Variants in ABCA12 observed in about 807,000 individuals in gnomAD.
ABCA12 encodes ATP binding cassette subfamily A member 12, also known as glucosylceramide transporter ABCA12.
ABCA12 carries 156 observed loss-of-function variants against 293.5 expected under a neutral mutation model. That is an observed-to-expected ratio of 0.53 (90% CI 0.47 to 0.61). The LOEUF (loss-of-function observed/expected upper bound fraction) is 0.61. ABCA12 is among the 20% of genes least tolerant of loss of function. The pLI is 0.00. For missense variants in ABCA12, 2,797 were observed against 3,090.2 expected, an observed-to-expected ratio of 0.91 and a Z score of 2.25; for synonymous variants, 1,063 against 1,108.0, an observed-to-expected ratio of 0.96 and a Z score of 0.81.
chr2:215,047,262 T>C (rs535594290), intron 6 of ABCA12, among the ~76,000 whole-genome samples: 9 of 152,234 alleles, frequency 5.9e-5, no homozygotes, highest in African/African-American at 1.9e-4. Context: ...GACTAATGTA[T>C]GCAAACACTC....
At chr2:215,052,924 G>A (rs1033812932) in intron 4 of ABCA12, among the ~76,000 whole-genome samples, 2 of 152,040 alleles carry the variant, frequency 1.3e-5, no homozygotes, top group African/African-American at 4.8e-5. Flanking sequence ...GATTTGAGGT[G>A]CCTACACTAG....
intron 7 of ABCA12, chr2:215,038,973 T>C (rs1234315305): frequency 1.3e-5 from 2 of 152,184 alleles, no homozygotes; most frequent in Admixed American, 6.5e-5. Flanking sequence ...CATATAAAAA[T>C]GGAAATTATC....
At chr2:215,041,551 CA>C (rs74770979) in intron 7 of ABCA12, among the ~76,000 whole-genome samples, 2,972 of 86,432 alleles carry the variant, frequency 0.034, 70 homozygotes, top group African/African-American at 0.089. Context: ...GACTCCATCT[CA>C]AAAAAAAAAA....
At chr2:214,961,953 C>T (rs1470410412) in intron 39 of ABCA12, 1 of 152,152 alleles carries the variant, frequency 6.6e-6, no homozygotes, top group Non-Finnish European at 1.5e-5. Flanking sequence ...TGATGCCCAA[C>T]AGTAGGAAGA....
chr2:214,962,428 T>C, intron 39 of ABCA12: 1 of 152,148 alleles, frequency 6.6e-6, no homozygotes, highest in East Asian at 1.9e-4. Flanking sequence ...CAATATTTCA[T>C]ATAAAGCATG....
chr2:215,090,776 T>C (rs1702126271), intron 2 of ABCA12, among the ~76,000 whole-genome samples: 1 of 152,126 alleles, frequency 6.6e-6, no homozygotes, highest in Admixed American at 6.5e-5. Context: ...TCTCCATGTC[T>C]CTACCCTCTT....
Position 214,968,691 on chromosome 2 carries a change from A to G in ABCA12, c.5778+29T>C, listed in dbSNP as rs4673925. The G allele has an allele frequency of 0.5, 799,293 of 1,590,192 alleles. 203,225 individuals are homozygous for G. Among genetic ancestry groups the G allele is most frequent in the Admixed American group, 0.55 (32,669 of 59,880 alleles). ...ATCAATTTCACCTTCTCATTTGTAT[A>G]ACATTCCAGAAAAAAGATCAAAATT... On this transcript the variant is annotated intron_variant, in intron 38 of 52. Coordinates refer to ENST00000272895, the MANE Select transcript of ABCA12 (RefSeq NM_173076.3).
intron 9 of ABCA12, among the ~76,000 whole-genome samples, chr2:215,030,827 C>T (rs922161337): frequency 2.0e-5 from 3 of 152,096 alleles, no homozygotes; most frequent in African/African-American, 7.2e-5. Context: ...TTGTAAACAA[C>T]TATGTACGTT....
At chr2:215,052,456 C>A (rs1701337643) in intron 5 of ABCA12, 31 bp downstream of exon 5, 1 of 1,565,852 alleles carries the variant, frequency 6.4e-7, no homozygotes, top group African/African-American at 1.4e-5. Flanking sequence ...TGTTGAATCA[C>A]TCTACCCATT....
intron 1 of ABCA12, among the ~76,000 whole-genome samples, chr2:215,120,010 A>T (rs530433722): frequency 1.5e-4 from 23 of 152,318 alleles, no homozygotes; most frequent in African/African-American, 5.5e-4. Flanking sequence ...CAGGAAATCA[A>T]CCTATGTGTC....
At chr2:215,102,064 TGTGA>T (rs754667874) in intron 2 of ABCA12, among the ~76,000 whole-genome samples, 8 of 152,134 alleles carry the variant, frequency 5.3e-5, no homozygotes, top group Non-Finnish European at 1.0e-4. Context: ...TATGTGTGTT[TGTGA>T]GTATTTGGTA....
At chr2:214,980,671 G>T in intron 30 of ABCA12, 28 bp from the exon 31 acceptor site, 1 of 1,613,788 alleles carries the variant, frequency 6.2e-7, no homozygotes, top group South Asian at 1.1e-5. Context: ...GAACAACAGG[G>T]AATGAAACGT....
intron 1 of ABCA12, among the ~76,000 whole-genome samples, chr2:215,119,733 G>GT (rs1702762549): frequency 1.4e-5 from 1 of 70,644 alleles, no homozygotes; most frequent in African/African-American, 1.1e-4. Context: ...TCATTAAAAA[G>GT]TAAAAAAAAA....
chr2:215,019,917 G>T (rs1055379134), intron 11 of ABCA12, 121 bp from the exon 12 acceptor site: 16 of 1,211,064 alleles, frequency 1.3e-5, no homozygotes, highest in Admixed American at 7.4e-5. Flanking sequence ...TATGTATGTG[G>T]TTAGTTGGCA....
intron 2 of ABCA12, among the ~76,000 whole-genome samples, chr2:215,068,966 T>G (rs1241131724): frequency 6.6e-6 from 1 of 152,218 alleles, no homozygotes; most frequent in African/African-American, 2.4e-5. Context: ...TACTTCCATT[T>G]GAAATCATTA....
intron 2 of ABCA12, among the ~76,000 whole-genome samples, chr2:215,085,667 A>T (rs759996608): frequency 1.3e-5 from 2 of 152,222 alleles, no homozygotes; most frequent in Non-Finnish European, 2.9e-5. Flanking sequence ...CAAGGATAAG[A>T]TTCTTCCTTC....
At chr2:215,016,612 A>AAAAAAAAAAAAAAAC (rs1700511853) in intron 14 of ABCA12, among the ~76,000 whole-genome samples, 1 of 141,288 alleles carries the variant, frequency 7.1e-6, no homozygotes, top group Non-Finnish European at 1.6e-5. Context: ...AAAAAAAAAA[A>AAAAAAAAAAAAAAAC]AAGACTTTGC....
At chr2:214,983,927 A>G (rs542972981) in intron 28 of ABCA12, 62 bp from the exon 29 acceptor site, 1 of 1,444,256 alleles carries the variant, frequency 6.9e-7, no homozygotes, top group South Asian at 1.2e-5. Context: ...TATTAGGAAT[A>G]ACTATATCTC....
chr2:215,124,450 T>C (rs1221687441), intron 1 of ABCA12, among the ~76,000 whole-genome samples: 1 of 152,214 alleles, frequency 6.6e-6, no homozygotes, highest in Non-Finnish European at 1.5e-5. Flanking sequence ...TGTTCCCTGT[T>C]CACCTCATCC....
Sources: allele counts gnomAD v4.1 joint callset (sites outside exome capture counted in the v4.1 genomes callset), GRCh38; gene constraint gnomAD v4.1.1; transcripts MANE v1.5; gene names NCBI Gene and HGNC (gene_info 2026-07-23, HGNC 2026-07-21).